CLDN2: variants seen among roughly 807,000 people sequenced by gnomAD.
CLDN2 encodes claudin 2.
A neutral mutation model predicts 8.2 loss-of-function variants in CLDN2; 1 was observed. The ratio of observed to expected loss-of-function variants is 0.12; its 90% CI spans 0.04 to 0.58. CLDN2 has a LOEUF of 0.58. Ranked by LOEUF, CLDN2 falls within the 20% of genes least tolerant of loss-of-function variation. The pLI is 0.90. For missense variants in CLDN2, 108 were observed against 172.9 expected (o/e 0.62, Z 2.11); for synonymous variants, 70 against 70.2 (o/e 1.00, Z 0.01).
At chrX:106,910,516 C>T (rs953704494) in intron 1 of CLDN2, among the ~76,000 whole-genome samples, 2 of 109,421 alleles carry the variant, frequency 1.8e-5, no homozygotes, top group East Asian at 2.9e-4. Flanking sequence ...AAGACCCTCC[C>T]GGTCAACATG....
chrX:106,908,095 A>G (rs1933203333), intron 1 of CLDN2, among the ~76,000 whole-genome samples: 1 of 111,430 alleles, frequency 9.0e-6, no homozygotes, highest in Non-Finnish European at 1.9e-5. Context: ...GGTCTTTACC[A>G]TTTCTGACTT....
chrX:106,924,085 T>C (rs1468951780), intron 1 of CLDN2, among the ~76,000 whole-genome samples: 3 of 111,486 alleles, frequency 2.7e-5, no homozygotes, highest in Non-Finnish European at 5.6e-5. Flanking sequence ...GATATGATCA[T>C]TGAATTTTGG....
chrX:106,903,368 T>C, intron 1 of CLDN2: 2 of 986,422 alleles, frequency 2.0e-6, no homozygotes, highest in Non-Finnish European at 2.7e-6. Context: ...GAGACCCTTT[T>C]ATAAGCCCTG....
chrX:106,913,948 CTTTTTTT>C (rs35925693), upstream of CLDN2, among the ~76,000 whole-genome samples: 3 of 77,538 alleles, frequency 3.9e-5, no homozygotes, highest in Admixed American at 2.8e-4. Flanking sequence ...CACTAGAAAA[CTTTTTTT>C]TTTTTTTTTT....
chrX:106,902,149 C>G, intron 1 of CLDN2: 1 of 1,194,864 alleles, frequency 8.4e-7, no homozygotes, highest in Non-Finnish European at 1.1e-6. Flanking sequence ...CCAAATCCAC[C>G]AGCTTCCTCA....
chrX:106,918,627 C>T (rs1933346795), upstream of CLDN2, among the ~76,000 whole-genome samples: 1 of 112,116 alleles, frequency 8.9e-6, no homozygotes, highest in Admixed American at 9.5e-5. Context: ...AGGTTTGGTA[C>T]CCAGGCCTTG....
chrX:106,901,386 TC>T, intron 1 of CLDN2: 1 of 895,638 alleles, frequency 1.1e-6, no homozygotes, highest in Non-Finnish European at 1.6e-6. Flanking sequence ...TAGCAATTCC[TC>T]CCCTCTCCTG....
intron 1 of CLDN2, chrX:106,902,231 G>A: frequency 8.7e-7 from 1 of 1,143,684 alleles, no homozygotes. Flanking sequence ...ACAAAGAGGA[G>A]AGATCAATCC....
At chrX:106,920,307 C>CTTTTTTTTTTT (rs1227203503), upstream of CLDN2, 1 of 99,958 alleles carries the variant, frequency 1.0e-5, no homozygotes, top group African/African-American at 3.6e-5. Flanking sequence ...CCCACCAAAC[C>CTTTTTTTTTTT]TTTTTTTTTT....
intron 1 of CLDN2, among the ~76,000 whole-genome samples, chrX:106,903,734 G>A (rs1429180656): frequency 2.7e-5 from 3 of 111,822 alleles, no homozygotes. Context: ...AGAGACAGCT[G>A]ACCCCTTTAA....
chrX:106,922,972 A>ATTTTTTT (rs57514922), intron 1 of CLDN2, among the ~76,000 whole-genome samples: 2 of 78,398 alleles, frequency 2.6e-5, no homozygotes, highest in Non-Finnish European at 4.9e-5. Flanking sequence ...AGCTCTGAAG[A>ATTTTTTT]TTTTTTTTTT....
At chrX:106,904,621 T>C (rs943060134) in intron 1 of CLDN2, among the ~76,000 whole-genome samples, 1 of 112,170 alleles carries the variant, frequency 8.9e-6, no homozygotes, top group Non-Finnish European at 1.9e-5. Flanking sequence ...TAAGGGCTCC[T>C]CATTTCTCTG....
chrX:106,915,818 C>T (rs1017230921), upstream of CLDN2, among the ~76,000 whole-genome samples: 1 of 110,785 alleles, frequency 9.0e-6, no homozygotes, highest in African/African-American at 3.3e-5. Context: ...CTTACATAAT[C>T]ATTTTGTCTC....
At chrX:106,907,494 A>G (rs1320301994) in intron 1 of CLDN2, among the ~76,000 whole-genome samples, 1 of 111,299 alleles carries the variant, frequency 9.0e-6, no homozygotes, top group Admixed American at 9.5e-5. Flanking sequence ...TGAGGTCAGG[A>G]GTTCAAGACC....
At chrX:106,907,304 A>C (rs1265470431) in intron 1 of CLDN2, among the ~76,000 whole-genome samples, 1 of 111,963 alleles carries the variant, frequency 8.9e-6, no homozygotes, top group Non-Finnish European at 1.9e-5. Context: ...GTAGTTCTTC[A>C]ATTACAGTCC....
upstream of CLDN2, among the ~76,000 whole-genome samples, chrX:106,914,323 A>G (rs971765897): frequency 1.8e-5 from 2 of 111,220 alleles, no homozygotes; most frequent in Non-Finnish European, 1.9e-5. Flanking sequence ...CCATATAACT[A>G]ACACAAACAT....
chrX:106,908,425 C>T (rs1933206917), intron 1 of CLDN2, among the ~76,000 whole-genome samples: 1 of 111,414 alleles, frequency 9.0e-6, no homozygotes, highest in African/African-American at 3.3e-5. Context: ...CTTCCACACA[C>T]CATCCATTGC....
rs1933510046 is a variant in CLDN2, at chrX:106,929,029, C to T, written c.*108C>T. 5 of 673,298 alleles carry T rather than the reference C, an allele frequency of 7.4e-6. No individual in the cohort carries two copies. The highest frequency in any genetic ancestry group is 3.3e-4 in the Middle Eastern group (1 of 3,049). The allele number at this position is 673,298 out of a possible 1,213,427, so 55.5% of individuals were successfully genotyped here. ...TACCACTGGATCGTGTCAGAAGGTGCTGCTGAGGATAGACTGACTTTGGCC... is the reference window on the plus strand; with the variant it reads ...TACCACTGGATCGTGTCAGAAGGTGTTGCTGAGGATAGACTGACTTTGGCC... On this transcript the variant is annotated 3_prime_UTR_variant, in exon 2 of 2. Transcript: ENST00000336803.
At chrX:106,911,244 G>A (rs1209746019) in intron 1 of CLDN2, among the ~76,000 whole-genome samples, 1 of 111,866 alleles carries the variant, frequency 8.9e-6, no homozygotes, top group Non-Finnish European at 1.9e-5. Flanking sequence ...ATGGAAACTG[G>A]TGTTCCTTTT....
Sources: allele counts gnomAD v4.1 joint callset (sites outside exome capture counted in the v4.1 genomes callset), GRCh38; gene constraint gnomAD v4.1.1; transcripts MANE v1.5; gene names NCBI Gene and HGNC (gene_info 2026-07-23, HGNC 2026-07-21).